G3BP1: variants seen among roughly 807,000 people sequenced by gnomAD.
The protein encoded by G3BP1 is G3BP stress granule assembly factor 1.
G3BP1 carries 35 observed loss-of-function variants against 58.6 expected under a neutral mutation model. That is an observed-to-expected ratio of 0.60 (90% confidence interval 0.46 to 0.79). The LOEUF (loss-of-function observed/expected upper bound fraction) is 0.79, where lower values mean the gene tolerates loss of function less well. G3BP1 is among the 30% of genes least tolerant of loss of function. The pLI is 0.00. For missense variants in G3BP1, 523 were observed against 580.8 expected, an observed-to-expected ratio of 0.90 and a Z score of 1.02; for synonymous variants, 191 against 195.4, an observed-to-expected ratio of 0.98 and a Z score of 0.19.
Position 151,810,982 on chromosome 5 carries a change from C to T in G3BP1, c.*6891C>T, listed in dbSNP as rs549476942. ...AGAATTTTATATGAAATTTTCATTT[C>T]TTTGCAAAAACTTGTTCCTTCTTTC... On this transcript the variant is annotated 3_prime_UTR_variant, in exon 12 of 12. Transcript: ENST00000356245. 6.6e-6 allele frequency: 1 copy of T among 152,146 alleles called. No homozygotes were observed. The highest frequency in any genetic ancestry group is 1.5e-5 in the Non-Finnish European group (1 of 68,014). The allele number at this position is 152,146 out of a possible 1,614,324, so 9.4% of individuals were successfully genotyped here.
chr5:151,785,846 G>T (rs1018354504), intron 1 of G3BP1, among the ~76,000 whole-genome samples: 1 of 152,184 alleles, frequency 6.6e-6, no homozygotes, highest in Non-Finnish European at 1.5e-5. Flanking sequence ...TATACTAAAA[G>T]TTTATCTGAT....
intron 1 of G3BP1, among the ~76,000 whole-genome samples, chr5:151,775,775 G>A (rs2113213635): frequency 6.6e-6 from 1 of 152,326 alleles, no homozygotes; most frequent in African/African-American, 2.4e-5. Flanking sequence ...GTGAACCTGA[G>A]TAGGTTTTAA....
intron 11 of G3BP1, 113 bp downstream of exon 11, chr5:151,800,982 G>A (rs1271945577): frequency 6.9e-6 from 4 of 582,392 alleles, no homozygotes; most frequent in Non-Finnish European, 1.2e-5. Context: ...ATTCCAACAT[G>A]TTCAGGTAAT....
intron 1 of G3BP1, among the ~76,000 whole-genome samples, chr5:151,773,970 A>G (rs1463499473): frequency 5.9e-5 from 9 of 152,242 alleles, no homozygotes; most frequent in Admixed American, 1.3e-4. Context: ...TTAAAAAAAT[A>G]CAGTTCTTGG....
intron 2 of G3BP1, chr5:151,787,015 G>GTT: frequency 6.5e-6 from 1 of 154,602 alleles, no homozygotes; most frequent in East Asian, 1.7e-4. Context: ...GCTAATTTTT[G>GTT]TATTTTTTTT....
chr5:151,798,167 T>C (rs1382637118), intron 7 of G3BP1, among the ~76,000 whole-genome samples: 2 of 152,286 alleles, frequency 1.3e-5, no homozygotes, highest in Middle Eastern at 3.4e-3. Flanking sequence ...GAAAGAGCAA[T>C]GTTGAAATGA....
chr5:151,796,332 G>T (rs1392568531), intron 6 of G3BP1, among the ~76,000 whole-genome samples: 1 of 152,166 alleles, frequency 6.6e-6, no homozygotes, highest in Non-Finnish European at 1.5e-5. Context: ...GCAGTGGCGC[G>T]ATCTTGGCTG....
intron 1 of G3BP1, among the ~76,000 whole-genome samples, chr5:151,786,016 A>G (rs1007107827): frequency 6.6e-6 from 1 of 152,220 alleles, no homozygotes; most frequent in African/African-American, 2.4e-5. Context: ...GAAAATTACC[A>G]GGTGCTGTGG....
At chr5:151,803,730 G>A (rs1005147131) in intron 11 of G3BP1, among the ~76,000 whole-genome samples, 155 bp from the exon 12 acceptor site, 1 of 151,994 alleles carries the variant, frequency 6.6e-6, no homozygotes, top group Admixed American at 6.6e-5. Context: ...TCCTGACCTC[G>A]TAATCCACCC....
chr5:151,812,736 CTG>C lies in G3BP1; in HGVS notation c.*8648_*8649del, dbSNP rs1763034622. On this transcript the variant is annotated 3_prime_UTR_variant, in exon 12 of 12. Transcript: ENST00000356245. ...ATAAAATAACCCCTTCCTCCAGTGA[CTG>C]TGCATTTATTTTGTAATAAACTCAT... 1 of 152,322 alleles carries C rather than the reference CTG, an allele frequency of 6.6e-6. No individual in the cohort carries two copies. The highest frequency in any genetic ancestry group is 6.5e-5 in the Admixed American group (1 of 15,312). The allele number at this position is 152,322 out of a possible 1,614,324, so 9.4% of individuals were successfully genotyped here.
Position 151,799,841 on chromosome 5 carries a change from G to A in G3BP1, c.844-48G>A, listed in dbSNP as rs371242486. 3.7e-6 allele frequency: 4 copies of A among 1,068,764 alleles called. No individual in the cohort carries two copies. The African/African-American group carries it at 4.7e-5, about 13-fold the overall frequency. 66.2% of individuals were successfully genotyped at this position (1,068,764 alleles called of 1,614,324 possible). A position where few individuals can be genotyped will look rare whatever the true frequency, so the allele number is the denominator to read the frequency against. ...GCTAAGAAACTTCATTAAGAAAAAG[G>A]ATAAGCCTGCTTTGTTTTAACACAA... is the stretch of plus-strand genomic sequence containing the variant. On this transcript the variant is annotated intron_variant, in intron 8 of 11. Transcript: ENST00000356245.
rs1398074408 is a variant in G3BP1 at position 151,804,713 on chromosome 5, C to T, written c.*622C>T. The T allele has an allele frequency of 1.3e-5, 2 of 152,394 alleles. No individual in the cohort carries two copies. The highest frequency in any genetic ancestry group is 4.8e-5 in the African/African-American group (2 of 41,376). The allele number at this position is 152,394 out of a possible 1,614,324, so 9.4% of individuals were successfully genotyped here. ...CAATTCTAAAACCTAACTGTTTTTA[C>T]CATTGAAATTTAAATTGTGATAATA... is the stretch of plus-strand genomic sequence containing the variant. On this transcript the variant is annotated 3_prime_UTR_variant, in exon 12 of 12. Coordinates refer to ENST00000356245, the MANE Select transcript of G3BP1 (RefSeq NM_005754.3).
At chr5:151,797,022 C>T (rs560903735) in intron 6 of G3BP1, among the ~76,000 whole-genome samples, 25 of 151,956 alleles carry the variant, frequency 1.6e-4, no homozygotes, top group Admixed American at 4.6e-4. Context: ...TCAGAATTTG[C>T]CAAACAAATG....
chr5:151,781,720 CA>C (rs113435876), intron 1 of G3BP1, among the ~76,000 whole-genome samples: 268 of 152,336 alleles, frequency 1.8e-3, no homozygotes, highest in Middle Eastern at 0.01. Flanking sequence ...TAAACATATA[CA>C]ATACTGAAAA....
rs1763018713 is a variant in G3BP1 at position 151,811,549 on chromosome 5, A to G, written c.*7458A>G. 6.6e-6 allele frequency: 1 copy of G among 152,198 alleles called. No homozygotes were observed. Among genetic ancestry groups the G allele is most frequent in the African/African-American group, 2.4e-5 (1 of 41,446 alleles). The allele number at this position is 152,198 out of a possible 1,614,324, so 9.4% of individuals were successfully genotyped here. ...TTGGAATCAGCATGGATATGTGTAT[A>G]TGGATGGTTCAATAAATATACTTTT... is the stretch of plus-strand genomic sequence containing the variant. On this transcript the variant is annotated 3_prime_UTR_variant, in exon 12 of 12. Transcript: ENST00000356245.
At chr5:151,796,945 G>C (rs1376097879) in intron 6 of G3BP1, among the ~76,000 whole-genome samples, 1 of 120,696 alleles carries the variant, frequency 8.3e-6, no homozygotes, top group Admixed American at 1.2e-4. Context: ...TAAATGAATT[G>C]TAATAGTTGT....
chr5:151,780,316 T>G (rs1183034205), intron 1 of G3BP1, among the ~76,000 whole-genome samples: 1 of 152,210 alleles, frequency 6.6e-6, no homozygotes, highest in Non-Finnish European at 1.5e-5. Context: ...TTTATATACA[T>G]TCTACTAATC....
At position 151,810,237 on chromosome 5, in the gene G3BP1, A is replaced by G. The variant is rs1203738751; in HGVS notation, c.*6146A>G. On this transcript the variant is annotated 3_prime_UTR_variant, in exon 12 of 12. Transcript: ENST00000356245. ...TGAGGGTCCTCCCGATAAGCCAGGCATTGTGATTCCTTGGCTTCAAGTGCC... is the reference window on the plus strand; with the variant it reads ...TGAGGGTCCTCCCGATAAGCCAGGCGTTGTGATTCCTTGGCTTCAAGTGCC... 2 of 152,240 alleles carry G rather than the reference A, an allele frequency of 1.3e-5. No individual in the cohort carries two copies. Among genetic ancestry groups the G allele is most frequent in the African/African-American group, 4.8e-5 (2 of 41,474 alleles). The allele number at this position is 152,240 out of a possible 1,614,324, so 9.4% of individuals were successfully genotyped here.
chr5:151,793,353 C>G (rs1762694018), intron 4 of G3BP1, among the ~76,000 whole-genome samples: 1 of 152,150 alleles, frequency 6.6e-6, no homozygotes, highest in African/African-American at 2.4e-5. Context: ...AGGTGATCTG[C>G]CTGCCTCGGC....
Sources: allele counts gnomAD v4.1 joint callset (sites outside exome capture counted in the v4.1 genomes callset), GRCh38; gene constraint gnomAD v4.1.1; transcripts MANE v1.5; gene names NCBI Gene and HGNC (gene_info 2026-07-23, HGNC 2026-07-21).